The following SLC4A4 variants were observed in gnomAD, a reference collection of about 807,000 sequenced individuals.
The protein encoded by SLC4A4 is solute carrier family 4 member 4, also known as electrogenic sodium bicarbonate cotransporter 1.
Under a neutral mutation model 111.5 loss-of-function variants are expected in SLC4A4, and 27 were observed. The observed-to-expected ratio is 0.24, with a 90% CI of 0.18 to 0.33. The LOEUF (loss-of-function observed/expected upper bound fraction) is 0.33. SLC4A4 is among the 10% of genes least tolerant of loss of function. The pLI, the probability that SLC4A4 is intolerant of heterozygous loss-of-function variation, is 1.00. For missense variants in SLC4A4, 909 were observed against 1,315.5 expected (o/e 0.69, Z 4.78); for synonymous variants, 443 against 463.4 (o/e 0.96, Z 0.57).
chr4:71,381,945 G>A (rs775160358), intron 6 of SLC4A4, among the ~76,000 whole-genome samples: 3 of 152,182 alleles, frequency 2.0e-5, no homozygotes, highest in Non-Finnish European at 4.4e-5. Flanking sequence ...AGGAGAATGA[G>A]AACGTAGAGA....
intron 3 of SLC4A4, among the ~76,000 whole-genome samples, chr4:71,327,400 G>C (rs1447824759): frequency 6.6e-6 from 1 of 151,774 alleles, no homozygotes; most frequent in Non-Finnish European, 1.5e-5. Context: ...CTAACAAATG[G>C]GCTTAGAAAC....
At chr4:71,129,610 A>C (rs1743648108) in intron 2 of SLC4A4, among the ~76,000 whole-genome samples, 1 of 152,172 alleles carries the variant, frequency 6.6e-6, no homozygotes, top group Non-Finnish European at 1.5e-5. Context: ...TAATCCCATT[A>C]TTGAGTGTAT....
At chr4:71,399,799 T>G (rs1414878741) in intron 7 of SLC4A4, among the ~76,000 whole-genome samples, 1 of 152,054 alleles carries the variant, frequency 6.6e-6, no homozygotes, top group Non-Finnish European at 1.5e-5. Flanking sequence ...GACTAATTTC[T>G]TTACTTACCT....
intron 14 of SLC4A4, among the ~76,000 whole-genome samples, chr4:71,479,146 A>G (rs748144211): frequency 2.0e-5 from 3 of 151,810 alleles, no homozygotes; most frequent in Non-Finnish European, 4.4e-5. Flanking sequence ...TTTATTGTTG[A>G]CTGTTCCAGG....
At chr4:71,078,845 G>T (rs146708901) in intron 1 of SLC4A4, among the ~76,000 whole-genome samples, 1,832 of 151,880 alleles carry the variant, frequency 0.012, 30 homozygotes, top group East Asian at 0.044. Context: ...TTGAGACAGA[G>T]TCTCACTCTG....
At chr4:71,548,440 A>G (rs1735721084) in intron 20 of SLC4A4, among the ~76,000 whole-genome samples, 1 of 151,912 alleles carries the variant, frequency 6.6e-6, no homozygotes, top group African/African-American at 2.4e-5. Flanking sequence ...ACTAAAACTA[A>G]AAACTAAAGA....
chr4:71,133,787 G>C (rs1204754579), intron 2 of SLC4A4, among the ~76,000 whole-genome samples: 2 of 152,162 alleles, frequency 1.3e-5, no homozygotes, highest in African/African-American at 4.8e-5. Flanking sequence ...TCGCTGCCCT[G>C]ATACCGAACT....
intron 3 of SLC4A4, among the ~76,000 whole-genome samples, chr4:71,294,041 C>G (rs1282534600): frequency 6.6e-6 from 1 of 152,076 alleles, no homozygotes; most frequent in African/African-American, 2.4e-5. Flanking sequence ...TAATGGATAA[C>G]AAAGGAGAAC....
intron 1 of SLC4A4, among the ~76,000 whole-genome samples, chr4:71,215,876 T>C (rs1463123046): frequency 6.6e-6 from 1 of 152,088 alleles, no homozygotes; most frequent in African/African-American, 2.4e-5. Flanking sequence ...AAATTATTAT[T>C]GCTTGTCTAC....
chr4:71,512,161 G>A (rs990946945), intron 16 of SLC4A4, among the ~76,000 whole-genome samples: 1 of 152,092 alleles, frequency 6.6e-6, no homozygotes, highest in Non-Finnish European at 1.5e-5. Flanking sequence ...GCTGGATCAA[G>A]TGGCAATTCT....
chr4:71,164,380 C>CA (rs766735805), intron 2 of SLC4A4, among the ~76,000 whole-genome samples: 1,576 of 64,546 alleles, frequency 0.024, 12 homozygotes, highest in East Asian at 0.049. Context: ...ACTCTGTCTC[C>CA]AAAAAAAAAA....
At chr4:71,313,677 C>A (rs974299536) in intron 3 of SLC4A4, among the ~76,000 whole-genome samples, 1 of 152,154 alleles carries the variant, frequency 6.6e-6, no homozygotes, top group Non-Finnish European at 1.5e-5. Flanking sequence ...GGAAAGGATT[C>A]CCTATTTAAT....
At position 71,569,293 on chromosome 4, in the gene SLC4A4, G is replaced by T. The variant is rs981366966; in HGVS notation, c.*1542G>T. 8 of 151,748 alleles carry T rather than the reference G, an allele frequency of 5.3e-5. No homozygotes were observed. The highest frequency in any genetic ancestry group is 2.1e-4 in the South Asian group (1 of 4,826). The allele number at this position is 151,748 out of a possible 1,614,324, so 9.4% of individuals were successfully genotyped here. A position where few individuals can be genotyped will look rare whatever the true frequency, so the allele number is the denominator to read the frequency against. ...TCTAACATGCAATATAAAATTCATA[G>T]GAGTATTAATAGCCCATTTACACAT... On this transcript the variant is annotated 3_prime_UTR_variant, in exon 26 of 26. Coordinates refer to ENST00000264485, the MANE Select transcript of SLC4A4 (RefSeq NM_001098484.3).
chr4:71,523,178 T>C (rs1733112367), intron 16 of SLC4A4, among the ~76,000 whole-genome samples: 1 of 152,142 alleles, frequency 6.6e-6, no homozygotes, highest in Non-Finnish European at 1.5e-5. Context: ...ATGTATTATA[T>C]GTCTCACTTT....
intron 3 of SLC4A4, among the ~76,000 whole-genome samples, chr4:71,310,994 C>A (rs1268338704): frequency 6.6e-6 from 1 of 152,050 alleles, no homozygotes; most frequent in Non-Finnish European, 1.5e-5. Context: ...ATTTACCAAG[C>A]AAATGGAAAG....
chr4:71,260,361 C>T (rs1721765825), intron 3 of SLC4A4, among the ~76,000 whole-genome samples: 1 of 152,056 alleles, frequency 6.6e-6, no homozygotes. Flanking sequence ...CAGGCAAGAT[C>T]CTTAATTTTG....
chr4:71,197,945 C>A (rs1052307760), intron 1 of SLC4A4, among the ~76,000 whole-genome samples: 4 of 152,124 alleles, frequency 2.6e-5, no homozygotes, highest in Non-Finnish European at 5.9e-5. Context: ...TTATTCATAT[C>A]TCTGTGAATT....
chr4:71,189,276 A>G (rs1347354456), intron 1 of SLC4A4, among the ~76,000 whole-genome samples: 1 of 152,164 alleles, frequency 6.6e-6, no homozygotes, highest in Non-Finnish European at 1.5e-5. Context: ...ACCTTACCCA[A>G]TGAGATTGAC....
At chr4:71,523,936 C>T (rs1242583648) in intron 16 of SLC4A4, among the ~76,000 whole-genome samples, 4 of 152,066 alleles carry the variant, frequency 2.6e-5, no homozygotes, top group African/African-American at 4.8e-5. Flanking sequence ...TGTAACATCA[C>T]TGCTGACATG....
Sources: allele counts gnomAD v4.1 joint callset (sites outside exome capture counted in the v4.1 genomes callset), GRCh38; gene constraint gnomAD v4.1.1; transcripts MANE v1.5; gene names NCBI Gene and HGNC (gene_info 2026-07-23, HGNC 2026-07-21).